Variants in PI4K2B observed in about 807,000 individuals in gnomAD.
PI4K2B encodes the protein phosphatidylinositol 4-kinase type 2-beta.
PI4K2B carries 46 observed loss-of-function variants against 56.6 expected under a neutral mutation model. The ratio of observed to expected loss-of-function variants is 0.81; its 90% CI spans 0.64 to 1.04. PI4K2B has a LOEUF of 1.04. Among genes scored for constraint, PI4K2B ranks in the 50% least tolerant of loss-of-function variants. The pLI, the probability that PI4K2B is intolerant of heterozygous loss-of-function variation, is 0.00. For synonymous variants in PI4K2B, 211 were observed against 223.8 expected (o/e 0.94, Z 0.51); for missense variants, 556 against 607.7 (o/e 0.91, Z 0.89).
chr4:25,273,054 A>G (rs989798477), intron 9 of PI4K2B, among the ~76,000 whole-genome samples: 10 of 152,110 alleles, frequency 6.6e-5, no homozygotes, highest in Non-Finnish European at 1.3e-4. Context: ...GTTTGTAGTA[A>G]GCCGTTAGTT....
rs368601449 is a variant in PI4K2B at position 25,273,614 on chromosome 4, G to A, written c.1273-3400G>A. 5.3e-5 allele frequency among the ~76,000 whole-genome samples: 8 copies of A among 152,222 alleles called. No individual in the cohort carries two copies. In the East Asian group the frequency reaches 1.2e-3, roughly 22 times the overall value. ...ATCTGTGAAATAAGGGCGCCTGCCA[G>A]CCTGGCCAATCGGCAACATTTAGGC... On this transcript the variant is annotated intron_variant, in intron 9 of 9. Transcript: ENST00000264864.
intron 4 of PI4K2B, among the ~76,000 whole-genome samples, chr4:25,258,307 A>G (rs1716332785): frequency 6.8e-6 from 1 of 147,680 alleles, no homozygotes; most frequent in South Asian, 2.1e-4. Context: ...TCCCGAGTTC[A>G]AGCGATTCTC....
chr4:25,257,440 C>A (rs1321419666), intron 4 of PI4K2B, among the ~76,000 whole-genome samples: 1 of 152,072 alleles, frequency 6.6e-6, no homozygotes, highest in African/African-American at 2.4e-5. Context: ...GAGGAGAAAA[C>A]TAAGAAATTC....
chr4:25,252,016 G>T (rs564110745), intron 1 of PI4K2B, among the ~76,000 whole-genome samples: 1 of 152,230 alleles, frequency 6.6e-6, no homozygotes, highest in African/African-American at 2.4e-5. Flanking sequence ...GTAGACACGG[G>T]GTTTTGCCAT....
At chr4:25,235,919 C>T (rs966827874) in intron 1 of PI4K2B, among the ~76,000 whole-genome samples, 2 of 151,962 alleles carry the variant, frequency 1.3e-5, no homozygotes, top group Non-Finnish European at 2.9e-5. Flanking sequence ...TTTGGGAGGT[C>T]TAGGCAGGAG....
chr4:25,268,520 A>T lies in PI4K2B; in HGVS notation c.1156A>T (p.Ile386Phe), dbSNP rs1716751201. Residue 386 changes from isoleucine to phenylalanine, a missense_variant, in exon 8 of 10, where the codon ATT (isoleucine) becomes TTT (phenylalanine). By Grantham distance (21) the Ile-to-Phe change is conservative. Coordinates refer to ENST00000264864, the MANE Select transcript of PI4K2B (RefSeq NM_018323.4). Reference sequence around the variant, plus strand: ...AATAAGAAATTTGATTCTACCATATATTTCTGACATGAACTTTGTGCAAGA... The same window carrying T: ...AATAAGAAATTTGATTCTACCATATTTTTCTGACATGAACTTTGTGCAAGA... ...EEIRNLILPY[I>F]SDMNFVQDLC... is the part of the protein sequence containing the mutation. 1.3e-6 allele frequency: 2 copies of T among 1,599,822 alleles called. No individual in the cohort carries two copies. Among genetic ancestry groups the T allele is most frequent in the Non-Finnish European group, 1.7e-6 (2 of 1,170,702 alleles).
At chr4:25,246,696 C>T (rs1037955335) in intron 1 of PI4K2B, among the ~76,000 whole-genome samples, 19 of 152,200 alleles carry the variant, frequency 1.2e-4, no homozygotes, top group African/African-American at 2.7e-4. Context: ...TGGGGAGGCT[C>T]GGGCTGCACA....
intron 2 of PI4K2B, 110 bp from the exon 3 acceptor site, chr4:25,254,955 G>A: frequency 1.5e-6 from 1 of 686,924 alleles, no homozygotes; most frequent in Admixed American, 2.4e-5. Flanking sequence ...GGGGATTTAT[G>A]CCTACATCTG....
chr4:25,274,213 C>T (rs1019207774), intron 9 of PI4K2B, among the ~76,000 whole-genome samples: 3 of 152,120 alleles, frequency 2.0e-5, no homozygotes, highest in Non-Finnish European at 4.4e-5. Flanking sequence ...CAGTAATTCT[C>T]AGGCCCACGG....
intron 1 of PI4K2B, among the ~76,000 whole-genome samples, chr4:25,241,009 C>T (rs1336990260): frequency 6.6e-6 from 1 of 152,188 alleles, no homozygotes; most frequent in Non-Finnish European, 1.5e-5. Flanking sequence ...CCCTCTTCTT[C>T]CCCTTTTTGA....
chr4:25,272,782 G>A (rs948871738), intron 9 of PI4K2B, among the ~76,000 whole-genome samples: 70 of 152,110 alleles, frequency 4.6e-4, no homozygotes, highest in African/African-American at 1.6e-3. Context: ...TGGATTGCTT[G>A]AGCCCAGGAG....
intron 1 of PI4K2B, among the ~76,000 whole-genome samples, chr4:25,234,928 C>T (rs929908160): frequency 2.6e-5 from 4 of 152,208 alleles, no homozygotes; most frequent in African/African-American, 9.6e-5. Context: ...TGAAGTTAGC[C>T]ACAGGGGGCA....
chr4:25,260,637 TATATACACACACACAC>T (rs1479377762), intron 6 of PI4K2B, 46 bp downstream of exon 6: 1 of 49,128 alleles, frequency 2.0e-5, no homozygotes, highest in African/African-American at 7.9e-5. Flanking sequence ...TATATATATA[TATATACACACACACAC>T]ACACACACAC....
In PI4K2B at chr4:25,277,391, C is replaced by T; in HGVS notation, c.*204C>T. On this transcript the variant is annotated 3_prime_UTR_variant, in exon 10 of 10. Transcript: ENST00000264864. ...TTTCAGGGAAGAAGTGCTATATCTCCTATATTGTATTTTTGTAGAAAATTT... is the reference window on the plus strand; with the variant it reads ...TTTCAGGGAAGAAGTGCTATATCTCTTATATTGTATTTTTGTAGAAAATTT... 1 of 435,646 alleles carries T rather than the reference C, an allele frequency of 2.3e-6. No homozygotes were observed. The highest frequency in any genetic ancestry group is 3.9e-6 in the Non-Finnish European group (1 of 258,848). 27.0% of individuals were successfully genotyped at this position (435,646 alleles called of 1,614,324 possible). A position where few individuals can be genotyped will look rare whatever the true frequency, so the allele number is the denominator to read the frequency against.
At chr4:25,267,597 A>G (rs1220224631) in intron 7 of PI4K2B, among the ~76,000 whole-genome samples, 2 of 152,238 alleles carry the variant, frequency 1.3e-5, no homozygotes, top group African/African-American at 4.8e-5. Flanking sequence ...GGTAGGATCC[A>G]CCAAAGCTGG....
chr4:25,234,882 C>A (rs1715183228), intron 1 of PI4K2B, among the ~76,000 whole-genome samples: 1 of 152,210 alleles, frequency 6.6e-6, no homozygotes, highest in African/African-American at 2.4e-5. Context: ...CACTGGGGCA[C>A]GTTTCAAAAC....
chr4:25,275,332 CTT>C (rs1306575247), intron 9 of PI4K2B, among the ~76,000 whole-genome samples: 1 of 152,108 alleles, frequency 6.6e-6, no homozygotes, highest in Non-Finnish European at 1.5e-5. Context: ...TTCATAAATT[CTT>C]TTTTTCTTGT....
At chr4:25,259,241 A>G (rs761506907) in intron 5 of PI4K2B, 51 bp downstream of exon 5, 22 of 1,215,818 alleles carry the variant, frequency 1.8e-5, no homozygotes, top group East Asian at 4.7e-5. Flanking sequence ...TTTTCAAACT[A>G]TATTCTTGTT....
rs71610847 is a variant in PI4K2B, at chr4:25,247,302, G to A, written c.269-5019G>A. On this transcript the variant is annotated intron_variant, in intron 1 of 9. Coordinates refer to ENST00000264864, the MANE Select transcript of PI4K2B (RefSeq NM_018323.4). Reference sequence around the variant, plus strand: ...GTGAGCTTTTGAAAGTCCGTGAGTGGCGGTGTGTTGGAGAGTATTTCTCAA... The same window carrying A: ...GTGAGCTTTTGAAAGTCCGTGAGTGACGGTGTGTTGGAGAGTATTTCTCAA... 0.014 allele frequency among the ~76,000 whole-genome samples: 2,181 copies of A among 152,354 alleles called. 125 individuals are homozygous for A. In the East Asian group the frequency reaches 0.18, roughly 13 times the overall value.
Sources: allele counts gnomAD v4.1 joint callset (sites outside exome capture counted in the v4.1 genomes callset), GRCh38; gene constraint gnomAD v4.1.1; transcripts MANE v1.5; gene names NCBI Gene and HGNC (gene_info 2026-07-23, HGNC 2026-07-21).